Variants in KIAA1191 observed in about 807,000 individuals in gnomAD.
KIAA1191 encodes the protein KIAA1191, also known as putative monooxygenase p33MONOX.
KIAA1191 carries 22 observed loss-of-function variants against 31.1 expected under a neutral mutation model. The ratio of observed to expected loss-of-function variants is 0.71; its 90% CI spans 0.51 to 1.01. The LOEUF is 1.01. Ranked by LOEUF, KIAA1191 falls within the 50% of genes least tolerant of loss-of-function variation. KIAA1191 has a pLI of 0.00. For synonymous variants in KIAA1191, 130 were observed against 143.9 expected, an observed-to-expected ratio of 0.90 and a Z score of 0.69; for missense variants, 319 against 388.0, an observed-to-expected ratio of 0.82 and a Z score of 1.49.
At position 176,347,984 on chromosome 5, in the gene KIAA1191, C is replaced by A. The variant is rs1027870631; in HGVS notation, c.646G>T (p.Asp216Tyr). 6.2e-7 allele frequency: 1 copy of A among 1,614,138 alleles called. No individual in the cohort carries two copies. The highest frequency in any genetic ancestry group is 1.7e-5 in the Admixed American group (1 of 60,028). ...STMDSGSGDKDRNLSDKWSLF... is the reference protein window; with the variant it reads ...STMDSGSGDKYRNLSDKWSLF... ...CTCCACTTATCTGACAAGTTTCTGT[C>A]CTTATCCCCACTTCCAGAGTCCATG... Residue 216 changes from aspartate to tyrosine, a missense_variant, in exon 8 of 9, where the codon GAC becomes TAC. By Grantham distance (160) the Asp-to-Tyr change is radical. Transcript: ENST00000298569.
rs1474152405 is a variant in KIAA1191, at chr5:176,355,637, T to C, written c.141A>G (p.Pro47=). 14 of 1,612,784 alleles carry C rather than the reference T, an allele frequency of 8.7e-6. No homozygotes were observed. Among genetic ancestry groups the C allele is most frequent in the East Asian group, 2.2e-5 (1 of 44,862 alleles). The change falls in exon 4 of 9, where the codon CCA becomes CCG. Residue 47 remains proline, a synonymous_variant. Transcript: ENST00000298569. This position sits in a 1 kb window ranked among gnomAD's most constrained non-coding sequence, Gnocchi z 4.2. ...LEDPAPMTPP[P]SDMGSVPWKP... Reference sequence around the variant, plus strand: ...TCCAAGGGACGCTGCCCATGTCCGATGGAGGAGGAGTCATGGGCGCAGGGT... The same window carrying C: ...TCCAAGGGACGCTGCCCATGTCCGACGGAGGAGGAGTCATGGGCGCAGGGT...
intron 5 of KIAA1191, among the ~76,000 whole-genome samples, chr5:176,351,021 A>T (rs1382806138): frequency 2.6e-5 from 4 of 152,184 alleles, no homozygotes. Flanking sequence ...TCTTAGTTGT[A>T]CATGGTGACA....
intron 4 of KIAA1191, among the ~76,000 whole-genome samples, chr5:176,353,820 G>A (rs1253853269): frequency 6.6e-6 from 1 of 152,236 alleles, no homozygotes; most frequent in East Asian, 1.9e-4. Flanking sequence ...AGCACCACCA[G>A]AAGCCCTGCT....
Position 176,355,634 on chromosome 5 carries a change from C to A in KIAA1191, c.144G>T (p.Ser48=). ...EDPAPMTPPP[S]DMGSVPWKPV... ...GCTTCCAAGGGACGCTGCCCATGTC[C>A]GATGGAGGAGGAGTCATGGGCGCAG... Residue 48 remains serine (S), a synonymous_variant, in exon 4 of 9, where the codon TCG becomes TCT. Transcript: ENST00000298569. The surrounding 1 kb of genome is among the most constrained non-coding windows in gnomAD (Gnocchi z 4.2). 1.2e-6 allele frequency: 2 copies of A among 1,612,676 alleles called. No individual in the cohort carries two copies. The highest frequency in any genetic ancestry group is 8.5e-7 in the Non-Finnish European group (1 of 1,179,950).
intron 5 of KIAA1191, 74 bp downstream of exon 5, chr5:176,352,548 C>A (rs900272947): frequency 1.9e-6 from 3 of 1,544,484 alleles, no homozygotes; most frequent in Middle Eastern, 2.3e-4. Flanking sequence ...AGTATCATCT[C>A]CAATCAGCTT....
rs370179566 is a variant in KIAA1191 at position 176,361,122 on chromosome 5, G to C, written c.-168+480C>G. The C allele has an allele frequency of 5.9e-5, 9 of 152,464 alleles. No homozygotes were observed. In the East Asian group the frequency reaches 1.7e-3, roughly 30 times the overall value. The allele number at this position is 152,464 out of a possible 1,614,324, so 9.4% of individuals were successfully genotyped here. On this transcript the variant is annotated intron_variant, in intron 1 of 8. Coordinates refer to ENST00000298569, the MANE Select transcript of KIAA1191 (RefSeq NM_020444.5). The surrounding 1 kb of genome is among the most constrained non-coding windows in gnomAD (Gnocchi z 4.0). ...CAGTCCAGGGAGCATTCCCGCCCCA[G>C]ACACGTCCCCTTCCCCTTTCCCTTT...
At chr5:176,357,704 G>A (rs1191299547) in intron 3 of KIAA1191, among the ~76,000 whole-genome samples, 4 of 152,160 alleles carry the variant, frequency 2.6e-5, no homozygotes, top group Non-Finnish European at 5.9e-5. Context: ...CGGCTACACG[G>A]AGTTTGTGGT....
chr5:176,346,754 G>C lies in KIAA1191; in HGVS notation c.*846C>G, dbSNP rs916777356. On this transcript the variant is annotated 3_prime_UTR_variant, in exon 9 of 9. Transcript: ENST00000298569. ...CTGCCAAAAAGCAGGGGGACTCAAG[G>C]TTCAGCCTAGAAAGAGGGGTCCCTG... 2.0e-5 allele frequency: 3 copies of C among 152,228 alleles called. No individual in the cohort carries two copies. The highest frequency in any genetic ancestry group is 7.2e-5 in the African/African-American group (3 of 41,450). The allele number at this position is 152,228 out of a possible 1,614,324, so 9.4% of individuals were successfully genotyped here.
At chr5:176,359,590 T>C in intron 2 of KIAA1191, 23 bp from the exon 3 acceptor site, 1 of 1,084,998 alleles carries the variant, frequency 9.2e-7, no homozygotes, top group Non-Finnish European at 1.4e-6. Flanking sequence ...CAAAGGGCAT[T>C]TTCTTATGGT....
chr5:176,360,805 A>G (rs757340549), intron 1 of KIAA1191, among the ~76,000 whole-genome samples: 31 of 152,168 alleles, frequency 2.0e-4, no homozygotes, highest in Admixed American at 5.2e-4. Context: ...GGTCTCAAAA[A>G]TAAAAATTAA....
chr5:176,359,953 C>A (rs535341080), intron 1 of KIAA1191, 35 bp from the exon 2 acceptor site: 27 of 167,282 alleles, frequency 1.6e-4, no homozygotes, highest in African/African-American at 6.2e-4. Context: ...TGGAACAGCC[C>A]GTCAGAGTCT....
At chr5:176,359,177 G>T (rs1767770278) in intron 3 of KIAA1191, among the ~76,000 whole-genome samples, 1 of 151,428 alleles carries the variant, frequency 6.6e-6, no homozygotes, top group Non-Finnish European at 1.5e-5. Context: ...AAATTAGCTG[G>T]GTGTGGTGGC....
At chr5:176,360,305 T>G (rs1295536286) in intron 1 of KIAA1191, among the ~76,000 whole-genome samples, 1 of 151,870 alleles carries the variant, frequency 6.6e-6, no homozygotes, top group Non-Finnish European at 1.5e-5. Flanking sequence ...TACAGGCGTC[T>G]GCCACCACGC....
At chr5:176,350,896 C>T (rs1766936229) in intron 5 of KIAA1191, among the ~76,000 whole-genome samples, 159 bp from the exon 6 acceptor site, 1 of 152,166 alleles carries the variant, frequency 6.6e-6, no homozygotes, top group African/African-American at 2.4e-5. Flanking sequence ...AGCAGTAATT[C>T]TGAACCTCAC....
rs140390124 is a variant in KIAA1191, at chr5:176,357,624, C to T, written c.28+1857G>A. Among the ~76,000 whole-genome samples, 246 of 152,258 alleles carry T rather than the reference C, an allele frequency of 1.6e-3. 2 individuals carry two copies. Among genetic ancestry groups the T allele is most frequent in the Middle Eastern group, 3.4e-3 (1 of 294 alleles). The stretch of plus-strand genomic sequence containing the variant: ...TGGGAACTGGAACACAGACCTGAGC[C>T]GGTGCACACACTCTGCATGCAACAC... On this transcript the variant is annotated intron_variant, in intron 3 of 8. Coordinates refer to ENST00000298569, the MANE Select transcript of KIAA1191 (RefSeq NM_020444.5).
Position 176,355,607 on chromosome 5 carries a change from T to C in KIAA1191, c.171A>G (p.Pro57=). ...PSDMGSVPWK[P]VIPERKYQHL... is the part of the protein sequence containing the mutation. ...GCTGATACTTGCGCTCTGGAATCAC[T>C]GGCTTCCAAGGGACGCTGCCCATGT... The change falls in exon 4 of 9, where the codon CCA becomes CCG. Residue 57 remains proline (P), a synonymous_variant. Coordinates refer to ENST00000298569, the MANE Select transcript of KIAA1191 (RefSeq NM_020444.5). This position sits in a 1 kb window ranked among gnomAD's most constrained non-coding sequence, Gnocchi z 4.2. 6 of 1,611,904 alleles carry C rather than the reference T, an allele frequency of 3.7e-6. No homozygotes were observed. Among genetic ancestry groups the C allele is most frequent in the Non-Finnish European group, 5.1e-6 (6 of 1,179,552 alleles).
In KIAA1191 at chr5:176,355,518, G is replaced by A; in HGVS notation, c.207+53C>T. 1 of 1,558,438 alleles carries A rather than the reference G, an allele frequency of 6.4e-7. No homozygotes were observed. The highest frequency in any genetic ancestry group is 8.7e-7 in the Non-Finnish European group (1 of 1,142,868). ...GGAGCCACTGAAGGCTTCTGGAGCA[G>A]AGGAAGGACAAAGGGGTTGCGTATG... On this transcript the variant is annotated intron_variant, in intron 4 of 8. Coordinates refer to ENST00000298569, the MANE Select transcript of KIAA1191 (RefSeq NM_020444.5). The surrounding 1 kb of genome is among the most constrained non-coding windows in gnomAD (Gnocchi z 4.2).
rs1482429076 is a variant in KIAA1191, at chr5:176,359,894, C to T, written c.-143G>A. 1.0e-5 allele frequency: 2 copies of T among 191,178 alleles called. No homozygotes were observed. The highest frequency in any genetic ancestry group is 2.3e-4 in the East Asian group (2 of 8,750). The allele number at this position is 191,178 out of a possible 1,614,324, so 11.8% of individuals were successfully genotyped here. On this transcript the variant is annotated 5_prime_UTR_variant, in exon 2 of 9. Coordinates refer to ENST00000298569, the MANE Select transcript of KIAA1191 (RefSeq NM_020444.5). ...CAGCTGCTGCAAAGTAGCAAAGCTT[C>T]CCAGGAAGAGTCCATCCAGAGGTTC...
In KIAA1191 at chr5:176,355,942, T is replaced by TG; in HGVS notation, c.29-194dup. The TG allele has an allele frequency of 1.6e-6, 1 of 618,680 alleles. No individual in the cohort carries two copies. The highest frequency in any genetic ancestry group is 2.9e-6 in the Non-Finnish European group (1 of 349,304). The allele number at this position is 618,680 out of a possible 1,614,324, so 38.3% of individuals were successfully genotyped here. A position where few individuals can be genotyped will look rare whatever the true frequency, so the allele number is the denominator to read the frequency against. On this transcript the variant is annotated intron_variant, in intron 3 of 8. Coordinates refer to ENST00000298569, the MANE Select transcript of KIAA1191 (RefSeq NM_020444.5). This position sits in a 1 kb window ranked among gnomAD's most constrained non-coding sequence, Gnocchi z 4.2. ...CTTCCTCTATGCCTGACACCTTGGG[T>TG]GGTCCACTTAACCCACTCAGCCGTC...
Sources: allele counts gnomAD v4.1 joint callset (sites outside exome capture counted in the v4.1 genomes callset), GRCh38; gene constraint gnomAD v4.1.1; non-coding constraint Gnocchi (gnomAD v3.1); transcripts MANE v1.5; gene names NCBI Gene and HGNC (gene_info 2026-07-23, HGNC 2026-07-21).